Variants in AFF3 observed in about 807,000 individuals in gnomAD.
The protein encoded by AFF3 is AF4/FMR2 family member 3.
AFF3 carries 32 observed loss-of-function variants against 129.7 expected under a neutral mutation model. The observed-to-expected ratio is 0.25, with a 90% CI of 0.19 to 0.33. The LOEUF is 0.33. AFF3 is among the 10% of genes least tolerant of loss of function. AFF3 has a pLI of 1.00. For missense variants in AFF3, 1,373 were observed against 1,592.0 expected, an observed-to-expected ratio of 0.86 and a Z score of 2.34; for synonymous variants, 644 against 635.4, an observed-to-expected ratio of 1.01 and a Z score of -0.20.
rs904976918 is a variant in AFF3, at chr2:99,719,249, A to G, written c.1091+7828T>C. Among the ~76,000 whole-genome samples, 4 of 151,964 alleles carry G rather than the reference A, an allele frequency of 2.6e-5. No individual in the cohort carries two copies. The East Asian group carries it at 7.7e-4, about 29-fold the overall frequency. ...TCTATTCATATAGTGGAATACATTA[A>G]GTGATTTTCTAATGGTAAACCAACC... On this transcript the variant is annotated intron_variant, in intron 11 of 24. Transcript: ENST00000672756.
chr2:99,655,874 GGTA>G (rs750132272), intron 12 of AFF3, among the ~76,000 whole-genome samples: 10 of 152,194 alleles, frequency 6.6e-5, no homozygotes, highest in Non-Finnish European at 1.5e-4. Flanking sequence ...AGAAGAGCAT[GGTA>G]GTAGTGAAGA....
intron 4 of AFF3, among the ~76,000 whole-genome samples, chr2:100,020,163 G>A (rs2104859560): frequency 1.3e-5 from 2 of 152,054 alleles, no homozygotes; most frequent in South Asian, 4.2e-4. Context: ...ACTTCCTCAT[G>A]GGGCAATCCG....
At chr2:99,995,523 C>A (rs1680762581) in intron 7 of AFF3, among the ~76,000 whole-genome samples, 1 of 152,068 alleles carries the variant, frequency 6.6e-6, no homozygotes, top group Non-Finnish European at 1.5e-5. Context: ...CAGGCGACTG[C>A]CACCATGCCT....
intron 13 of AFF3, among the ~76,000 whole-genome samples, chr2:99,626,459 T>C (rs1332775083): frequency 5.0e-5 from 3 of 60,508 alleles, no homozygotes; most frequent in Non-Finnish European, 1.3e-4. Flanking sequence ...TCCCCTTCCT[T>C]CCTTCCTCCC....
intron 12 of AFF3, among the ~76,000 whole-genome samples, chr2:99,661,565 G>T (rs576876059): frequency 5.3e-5 from 8 of 152,248 alleles, no homozygotes; most frequent in African/African-American, 1.9e-4. Flanking sequence ...AGGCTGGTTG[G>T]ACACAACTAA....
At chr2:100,059,780 C>T (rs1185486070) in intron 4 of AFF3, among the ~76,000 whole-genome samples, 1 of 152,138 alleles carries the variant, frequency 6.6e-6, no homozygotes, top group African/African-American at 2.4e-5. Flanking sequence ...AAAGAGTCAG[C>T]CAAGAAGCCA....
At chr2:100,004,384 A>T (rs1681748424) in intron 7 of AFF3, among the ~76,000 whole-genome samples, 1 of 152,236 alleles carries the variant, frequency 6.6e-6, no homozygotes, top group Non-Finnish European at 1.5e-5. Context: ...AAAAATATTT[A>T]TTCCCTCAAA....
chr2:99,685,503 A>G (rs553091620), intron 11 of AFF3, among the ~76,000 whole-genome samples: 1 of 152,302 alleles, frequency 6.6e-6, no homozygotes, highest in Non-Finnish European at 1.5e-5. Context: ...TGTCACCAGG[A>G]CCAGTCAAGG....
chr2:99,826,090 C>A (rs541402702), intron 8 of AFF3, among the ~76,000 whole-genome samples: 1 of 152,322 alleles, frequency 6.6e-6, no homozygotes, highest in South Asian at 2.1e-4. Context: ...TTTCGGCTTA[C>A]TACAACCTCT....
At chr2:100,028,625 C>T (rs1258008111) in intron 4 of AFF3, among the ~76,000 whole-genome samples, 1 of 152,108 alleles carries the variant, frequency 6.6e-6, no homozygotes, top group African/African-American at 2.4e-5. Context: ...TTAACAGTGG[C>T]TATTCTTGAG....
intron 2 of AFF3, chr2:100,107,343 G>C: frequency 1.0e-6 from 1 of 985,332 alleles, no homozygotes; most frequent in South Asian, 4.7e-5. Context: ...CTCTGGGTAT[G>C]CAAACCAAAA....
Position 99,593,966 on chromosome 2 carries a change from G to A in AFF3, c.1695C>T (p.Pro565=), listed in dbSNP as rs781256811. The A allele has an allele frequency of 6.7e-7, 1 of 1,485,686 alleles. No individual in the cohort carries two copies. The highest frequency in any genetic ancestry group is 8.9e-7 in the Non-Finnish European group (1 of 1,118,848). 92.0% of individuals were successfully genotyped at this position (1,485,686 alleles called of 1,614,324 possible). The change falls in exon 15 of 25, where the codon CCC becomes CCT. Residue 565 remains proline (P), a synonymous_variant. Coordinates refer to ENST00000672756, the MANE Select transcript of AFF3 (RefSeq NM_001386135.1). ...AVAVSAAAPP[P]AVPCAPAENA... ...TCTCCGCGGGCGCACAGGGCACTGC[G>A]GGTGGCGGGGCGGCTGCGCTCACCG...
chr2:99,837,660 A>T, intron 7 of AFF3, 136 bp from the exon 8 acceptor site: 1 of 704,624 alleles, frequency 1.4e-6, no homozygotes, highest in Non-Finnish European at 2.4e-6. Context: ...CTGACCTGGG[A>T]CTGGCAGACA....
intron 7 of AFF3, among the ~76,000 whole-genome samples, chr2:99,858,171 ATTCAACC>A (rs1457947658): frequency 3.9e-5 from 6 of 152,180 alleles, no homozygotes; most frequent in Admixed American, 1.3e-4. Flanking sequence ...TCAGATCTGA[ATTCAACC>A]TTCAACATGG....
chr2:99,628,325 T>C (rs1056228848), intron 13 of AFF3, among the ~76,000 whole-genome samples: 8 of 152,158 alleles, frequency 5.3e-5, no homozygotes, highest in Non-Finnish European at 8.8e-5. Context: ...TTTGTGACAA[T>C]TGTGAATGGG....
intron 12 of AFF3, among the ~76,000 whole-genome samples, chr2:99,656,815 T>C (rs1030817899): frequency 4.6e-5 from 7 of 152,086 alleles, no homozygotes; most frequent in Non-Finnish European, 1.0e-4. Flanking sequence ...CAATAATGAG[T>C]CTTTTGCATT....
chr2:99,627,457 G>T (rs1161504904), intron 13 of AFF3, among the ~76,000 whole-genome samples: 1 of 151,940 alleles, frequency 6.6e-6, no homozygotes, highest in Admixed American at 6.6e-5. Flanking sequence ...AAGTTCCTTA[G>T]AAATGCTGGA....
At chr2:99,820,276 C>G (rs1687555344) in intron 8 of AFF3, among the ~76,000 whole-genome samples, 1 of 152,158 alleles carries the variant, frequency 6.6e-6, no homozygotes, top group South Asian at 2.1e-4. Flanking sequence ...CAGCATGTTA[C>G]TGTACTCAAT....
intron 7 of AFF3, among the ~76,000 whole-genome samples, chr2:99,936,154 T>A (rs2106322607): frequency 6.6e-6 from 1 of 152,142 alleles, no homozygotes; most frequent in Non-Finnish European, 1.5e-5. Context: ...GGAAACAGAT[T>A]TGGGTATTTA....
Sources: gnomAD v4.1 joint callset for allele counts (sites outside exome capture counted in the v4.1 genomes callset) on GRCh38, gnomAD v4.1.1 for gene constraint, MANE v1.5 for transcripts, NCBI Gene and HGNC (gene_info 2026-07-23, HGNC 2026-07-21) for gene names.